The following TMEM220 variants were observed in gnomAD, a reference collection of about 807,000 sequenced individuals.
TMEM220 encodes the protein transmembrane protein 220.
In TMEM220, 21 loss-of-function variants were observed where a neutral mutation model predicts 21.7. That is an observed-to-expected ratio of 0.97 (90% CI 0.69 to 1.39). The LOEUF (loss-of-function observed/expected upper bound fraction) is 1.39, where lower values mean the gene tolerates loss of function less well. Ranked by LOEUF, TMEM220 falls within the 40% of genes most tolerant of loss-of-function variation. TMEM220 has a pLI of 0.00. For synonymous variants in TMEM220, 80 were observed against 73.6 expected, an observed-to-expected ratio of 1.09 and a Z score of -0.45; for missense variants, 191 against 201.9, an observed-to-expected ratio of 0.95 and a Z score of 0.33.
intron 5 of TMEM220, among the ~76,000 whole-genome samples, chr17:10,721,133 C>A (rs575518305): frequency 5.9e-5 from 9 of 152,250 alleles, no homozygotes; most frequent in African/African-American, 2.2e-4. Flanking sequence ...AAAACATGAT[C>A]CTGGGTATAA....
At position 10,729,976 on chromosome 17, in the gene TMEM220, T is replaced by G. The variant is rs1026085738; in HGVS notation, c.-125A>C. On this transcript the variant is annotated 5_prime_UTR_variant, in exon 1 of 6. Transcript: ENST00000341871. ...GACCCCCGCCTCGGTTTCGGTGCCT[T>G]GGGGACACTGCCGTGGCCGTCGCTC... 2.5e-6 allele frequency: 3 copies of G among 1,219,794 alleles called. No homozygotes were observed. The African/African-American group carries it at 4.9e-5, about 20-fold the overall frequency. 75.6% of individuals were successfully genotyped at this position (1,219,794 alleles called of 1,614,324 possible).
chr17:10,714,202 A>G lies in TMEM220; in HGVS notation c.*1251T>C, dbSNP rs1288756020. 6.6e-6 allele frequency: 1 copy of G among 152,210 alleles called. No homozygotes were observed. Among genetic ancestry groups the G allele is most frequent in the Non-Finnish European group, 1.5e-5 (1 of 68,034 alleles). 9.4% of individuals were successfully genotyped at this position (152,210 alleles called of 1,614,324 possible). ...TTTTTCTACCATGTCTTTAAAATCC[A>G]GTGTATTTTACATTTATAGCCCCAC... is the stretch of plus-strand genomic sequence containing the variant. On this transcript the variant is annotated 3_prime_UTR_variant, in exon 6 of 6. Transcript: ENST00000341871.
chr17:10,713,763 C>T lies in TMEM220; in HGVS notation c.*1690G>A, dbSNP rs2074874369. On this transcript the variant is annotated 3_prime_UTR_variant, in exon 6 of 6. Coordinates refer to ENST00000341871, the MANE Select transcript of TMEM220 (RefSeq NM_001004313.3). ...AGTCTTAATCTTAGATAATTTCTCA[C>T]CATTCAGTGGCCACTGTGCCAATAA... 1 of 152,286 alleles carries T rather than the reference C, an allele frequency of 6.6e-6. No homozygotes were observed. The highest frequency in any genetic ancestry group is 3.4e-3 in the Middle Eastern group (1 of 294). The allele number at this position is 152,286 out of a possible 1,614,324, so 9.4% of individuals were successfully genotyped here.
At chr17:10,723,249 T>C (rs748219401) in intron 5 of TMEM220, 21 bp downstream of exon 5, 14 of 1,610,920 alleles carry the variant, frequency 8.7e-6, no homozygotes, top group East Asian at 4.6e-5. Flanking sequence ...AAAGTGAAGA[T>C]GTGATGAGTT....
At chr17:10,728,985 C>T (rs2075086341) in intron 2 of TMEM220, 46 bp downstream of exon 2, 1 of 1,607,636 alleles carries the variant, frequency 6.2e-7, no homozygotes, top group Non-Finnish European at 8.5e-7. Context: ...GTGCCGTTCC[C>T]CAATTCTTCC....
In TMEM220 at chr17:10,717,726, G is replaced by T. The variant is rs73289728; in HGVS notation, c.348-2138C>A. On this transcript the variant is annotated intron_variant, in intron 5 of 5. Coordinates refer to ENST00000341871, the MANE Select transcript of TMEM220 (RefSeq NM_001004313.3). The stretch of plus-strand genomic sequence containing the variant: ...CTCTGGAAGTATTTATTGAAAGTTG[G>T]TATTATTTTTTTCCTTAAATATTAT... Among the ~76,000 whole-genome samples the T allele has an allele frequency of 8.3e-3, 1,257 of 152,046 alleles. 16 individuals carry two copies. Among genetic ancestry groups the T allele is most frequent in the African/African-American group, 0.029 (1,212 of 41,444 alleles).
chr17:10,724,018 C>A (rs2075021607), intron 4 of TMEM220, among the ~76,000 whole-genome samples: 1 of 152,180 alleles, frequency 6.6e-6, no homozygotes, highest in Non-Finnish European at 1.5e-5. Flanking sequence ...TATCTACAGA[C>A]CCAACCTATA....
Position 10,730,016 on chromosome 17 carries a change from G to A in TMEM220, c.-165C>T, listed in dbSNP as rs1282505755. ...GGCCGTCGCTCCGCCCGGGGGCGGG[G>A]AGCGAAGGGCGTGGGTGTAGCCCCC... On this transcript the variant is annotated 5_prime_UTR_variant, in exon 1 of 6. Coordinates refer to ENST00000341871, the MANE Select transcript of TMEM220 (RefSeq NM_001004313.3). The A allele has an allele frequency of 8.2e-7, 1 of 1,218,124 alleles. No homozygotes were observed. Among genetic ancestry groups the A allele is most frequent in the Non-Finnish European group, 1.0e-6 (1 of 977,794 alleles). The allele number at this position is 1,218,124 out of a possible 1,614,324, so 75.5% of individuals were successfully genotyped here.
At chr17:10,729,622 G>T (rs895645287) in intron 1 of TMEM220, among the ~76,000 whole-genome samples, 158 bp downstream of exon 1, 3 of 152,178 alleles carry the variant, frequency 2.0e-5, no homozygotes, top group Non-Finnish European at 2.9e-5. Flanking sequence ...TTAGACGGGG[G>T]AGAAAGTGGG....
At chr17:10,727,634 G>C (rs2075062835) in intron 2 of TMEM220, among the ~76,000 whole-genome samples, 1 of 152,180 alleles carries the variant, frequency 6.6e-6, no homozygotes, top group Admixed American at 6.5e-5. Flanking sequence ...AAGGCAGTTT[G>C]ATTTGATTCA....
chr17:10,721,596 C>G (rs1166591360), intron 5 of TMEM220, among the ~76,000 whole-genome samples: 1 of 113,122 alleles, frequency 8.8e-6, no homozygotes, highest in Non-Finnish European at 1.7e-5. Context: ...CAGAGCAAGA[C>G]TCTGTCTCAA....
At chr17:10,729,527 C>T (rs1258588832) in intron 1 of TMEM220, among the ~76,000 whole-genome samples, 2 of 152,224 alleles carry the variant, frequency 1.3e-5, no homozygotes, top group African/African-American at 4.8e-5. Flanking sequence ...CTGAGGTCCC[C>T]TGGGAAGTTC....
intron 2 of TMEM220, 136 bp from the exon 3 acceptor site, chr17:10,726,400 T>C (rs570110507): frequency 2.6e-5 from 19 of 719,522 alleles, no homozygotes; most frequent in African/African-American, 5.3e-5. Flanking sequence ...GTTTCAATGG[T>C]GATTGAGAAA....
Position 10,725,105 on chromosome 17 carries a change from T to C in TMEM220, c.193A>G (p.Ile65Val), listed in dbSNP as rs148509041. ...GNVIWKSISA[I>V]HILFCTVWAV... The stretch of plus-strand genomic sequence containing the variant: ...CACACCGTACAAAAGAGTATGTGTA[T>C]TGCAGAGATACTTTTCCAAATAACA... The change falls in exon 4 of 6, where the codon ATA (isoleucine) becomes GTA (valine). Residue 65 changes from isoleucine (I) to valine (V), a missense_variant. Ile to Val is a conservative substitution (Grantham distance 29). Transcript: ENST00000341871. 7.9e-3 allele frequency: 12,677 copies of C among 1,614,150 alleles called. 67 individuals carry two copies. The highest frequency in any genetic ancestry group is 9.2e-3 in the Non-Finnish European group (10,824 of 1,180,004).
rs2074885145 is a variant in TMEM220 at position 10,714,484 on chromosome 17, T to C, written c.*969A>G. 6.6e-6 allele frequency: 1 copy of C among 152,224 alleles called. No homozygotes were observed. Among genetic ancestry groups the C allele is most frequent in the Non-Finnish European group, 1.5e-5 (1 of 68,034 alleles). The allele number at this position is 152,224 out of a possible 1,614,324, so 9.4% of individuals were successfully genotyped here. A position where few individuals can be genotyped will look rare whatever the true frequency, so the allele number is the denominator to read the frequency against. On this transcript the variant is annotated 3_prime_UTR_variant, in exon 6 of 6. Transcript: ENST00000341871. The stretch of plus-strand genomic sequence containing the variant: ...TTATTTCTCATTTAGAATGTAGTTA[T>C]AGTCCCTATTGCCTTCTTGTTTGGT...
intron 5 of TMEM220, chr17:10,716,246 T>G: frequency 1.2e-6 from 1 of 813,794 alleles, no homozygotes; most frequent in Non-Finnish European, 2.1e-6. Context: ...CCAATAATGA[T>G]TTCAAGCTCC....
At chr17:10,722,682 T>A (rs936820066) in intron 5 of TMEM220, among the ~76,000 whole-genome samples, 19 of 152,218 alleles carry the variant, frequency 1.2e-4, no homozygotes, top group African/African-American at 3.9e-4. Context: ...CATTCATCGA[T>A]ATGTACACAC....
chr17:10,728,606 C>T (rs1245160948), intron 2 of TMEM220, among the ~76,000 whole-genome samples: 1 of 152,146 alleles, frequency 6.6e-6, no homozygotes, highest in Non-Finnish European at 1.5e-5. Context: ...CCACCTTGCC[C>T]AGCCAGGAGT....
chr17:10,725,188 A>T (rs2075035864), intron 3 of TMEM220, 54 bp from the exon 4 acceptor site: 1 of 1,604,464 alleles, frequency 6.2e-7, no homozygotes, highest in Admixed American at 1.7e-5. Context: ...CCACAGAAAA[A>T]AAAAATGATC....
Sources: gnomAD v4.1 joint callset for allele counts (sites outside exome capture counted in the v4.1 genomes callset) on GRCh38, gnomAD v4.1.1 for gene constraint, MANE v1.5 for transcripts, NCBI Gene and HGNC (gene_info 2026-07-23, HGNC 2026-07-21) for gene names.